TMEM114: variants seen among roughly 807,000 people sequenced by gnomAD.
TMEM114 encodes claudin-26.
A neutral mutation model predicts 6.2 loss-of-function variants in TMEM114; 6 were observed. That is an observed-to-expected ratio of 0.97 (90% confidence interval 0.53 to 1.91). The LOEUF is 1.91. Ranked by LOEUF, TMEM114 falls within the 40% of genes most tolerant of loss-of-function variation. The probability of loss-of-function intolerance (pLI) is 0.01; values close to 1 mark genes in which losing one functional copy is unlikely to be tolerated. For synonymous variants in TMEM114, 104 were observed against 73.0 expected, an observed-to-expected ratio of 1.42 and a Z score of -2.16; for missense variants, 218 against 158.3, an observed-to-expected ratio of 1.38 and a Z score of -2.02.
chr16:8,567,745 G>T (rs1285821693), downstream of TMEM114, among the ~76,000 whole-genome samples: 1 of 152,188 alleles, frequency 6.6e-6, no homozygotes, highest in Non-Finnish European at 1.5e-5. Flanking sequence ...CGCTAGGAGG[G>T]CTGAAAACGT....
chr16:8,553,040 T>G (rs1214229696), intron 2 of TMEM114, among the ~76,000 whole-genome samples: 1 of 152,240 alleles, frequency 6.6e-6, no homozygotes, highest in African/African-American at 2.4e-5. Context: ...AGGTTCTTGC[T>G]TCCTGCCAGG....
At chr16:8,575,005 G>A (rs753741331) in intron 2 of TMEM114, among the ~76,000 whole-genome samples, 5 of 152,040 alleles carry the variant, frequency 3.3e-5, no homozygotes, top group African/African-American at 1.2e-4. Context: ...TGCTCCCATC[G>A]CTAGCCACAT....
intron 2 of TMEM114, among the ~76,000 whole-genome samples, chr16:8,543,352 G>C (rs941888671): frequency 6.6e-6 from 1 of 152,140 alleles, no homozygotes; most frequent in South Asian, 2.1e-4. Flanking sequence ...GGTGTCACTG[G>C]GGATAATTCA....
chr16:8,564,758 T>C (rs1901468953), downstream of TMEM114, among the ~76,000 whole-genome samples: 2 of 149,958 alleles, frequency 1.3e-5, 1 homozygote, highest in African/African-American at 5.0e-5. Context: ...AGTGAATGAG[T>C]GAGTGAATGA....
the TMEM114 span, among the ~76,000 whole-genome samples, chr16:8,527,337 C>G: frequency 6.6e-6 from 1 of 152,160 alleles, no homozygotes; most frequent in Non-Finnish European, 1.5e-5. Context: ...GTGGAAAAAC[C>G]CCAGCTTTGG....
intron 2 of TMEM114, among the ~76,000 whole-genome samples, chr16:8,588,279 C>A (rs1902376745): frequency 9.7e-6 from 1 of 102,882 alleles, no homozygotes; most frequent in Non-Finnish European, 2.0e-5. Flanking sequence ...AGAGCAAGAC[C>A]CTGTCTCAAA....
intron 2 of TMEM114, among the ~76,000 whole-genome samples, chr16:8,576,561 C>CA (rs1407625867): frequency 6.6e-6 from 1 of 152,188 alleles, no homozygotes; most frequent in African/African-American, 2.4e-5. Flanking sequence ...TGGCAGGAAT[C>CA]AAAGGCCAGC....
At chr16:8,566,375 T>TTAA (rs1596482453), downstream of TMEM114, among the ~76,000 whole-genome samples, 2 of 16,814 alleles carry the variant, frequency 1.2e-4, no homozygotes, top group African/African-American at 5.8e-4. Flanking sequence ...AGACGCAGTC[T>TTAA]CAAAAAAAAA....
At chr16:8,548,261 C>T (rs566736483) in intron 2 of TMEM114, among the ~76,000 whole-genome samples, 6 of 152,120 alleles carry the variant, frequency 3.9e-5, no homozygotes, top group Non-Finnish European at 5.9e-5. Flanking sequence ...GAGTTCCTGC[C>T]TCTCAGGGTT....
chr16:8,564,527 G>A (rs1449025361), downstream of TMEM114, among the ~76,000 whole-genome samples: 1 of 138,010 alleles, frequency 7.2e-6, no homozygotes, highest in East Asian at 2.2e-4. Flanking sequence ...GTGACGGAGG[G>A]AGGGAATGAG....
In TMEM114 at chr16:8,569,797, T is replaced by A; in HGVS notation, c.648A>T (p.Arg216Ser). The A allele has an allele frequency of 6.4e-7, 1 of 1,550,646 alleles. No homozygotes were observed. Among genetic ancestry groups the A allele is most frequent in the Non-Finnish European group, 8.7e-7 (1 of 1,146,884 alleles). The change falls in exon 4 of 4, where the codon AGA (arginine) becomes AGT (serine). Residue 216 changes from arginine to serine, a missense_variant. By Grantham distance (110) the Arg-to-Ser change is moderately radical (BLOSUM62 -1). Transcript: ENST00000620492. ...CTCATATGGCCTGGTCCTGCCTCCG[T>A]CTCAGGCTGAGCTCGCGGGCTGCTG... The part of the protein sequence containing the change: ...FLAAARELSL[R>S]RRQDQAI
chr16:8,544,020 C>A (rs569747767), intron 2 of TMEM114, among the ~76,000 whole-genome samples: 2 of 152,294 alleles, frequency 1.3e-5, no homozygotes, highest in East Asian at 1.9e-4. Context: ...CCAGGAAGCG[C>A]AACGCTAAAT....
At chr16:8,565,107 AAGTG>A (rs369248463), downstream of TMEM114, among the ~76,000 whole-genome samples, 125 of 118,244 alleles carry the variant, frequency 1.1e-3, 1 homozygote, top group Middle Eastern at 4.0e-3. Flanking sequence ...CTGAGTGAAT[AAGTG>A]AGTGAGTGAG....
At chr16:8,570,042 C>T (rs530165284) in intron 3 of TMEM114, 37 bp from the exon 4 acceptor site, 1 of 1,522,398 alleles carries the variant, frequency 6.6e-7, no homozygotes, top group Non-Finnish European at 8.9e-7. Context: ...ATCAATCCCC[C>T]ACCCCGCCCC....
intron 2 of TMEM114, among the ~76,000 whole-genome samples, chr16:8,554,980 C>A (rs541998886): frequency 6.6e-6 from 1 of 152,320 alleles, no homozygotes; most frequent in African/African-American, 2.4e-5. Context: ...GAAATATGGT[C>A]TCATAGATGG....
rs185952597 is a variant in TMEM114 at position 8,558,904 on chromosome 16, C to G, written n.213-21078G>C. On this transcript the variant is annotated intron_variant and non_coding_transcript_variant, in intron 2 of 2. Coordinates refer to the TMEM114 transcript ENST00000623677. ...TGCAGGCACGTGCCACCATGCCCAG[C>G]TAATTTTTTTTTGTATTTTTAGTAG... Among the ~76,000 whole-genome samples the G allele has an allele frequency of 6.9e-3, 888 of 128,572 alleles. 10 individuals are homozygous for G. The highest frequency in any genetic ancestry group is 0.027 in the African/African-American group (844 of 30,878). 84.3% of individuals were successfully genotyped at this position (128,572 alleles called of 152,430 possible).
chr16:8,573,684 A>G (rs1901813898), intron 2 of TMEM114, among the ~76,000 whole-genome samples: 1 of 152,212 alleles, frequency 6.6e-6, no homozygotes, highest in Admixed American at 6.5e-5. Context: ...ATGAAAATAA[A>G]TACTTTCCTA....
chr16:8,573,207 T>C (rs1409399692), intron 2 of TMEM114, among the ~76,000 whole-genome samples: 2 of 152,160 alleles, frequency 1.3e-5, no homozygotes, highest in Non-Finnish European at 2.9e-5. Context: ...ACACTGTTAA[T>C]CTCAGGGCTT....
At chr16:8,574,802 A>C (rs1203051970) in intron 2 of TMEM114, among the ~76,000 whole-genome samples, 1 of 152,166 alleles carries the variant, frequency 6.6e-6, no homozygotes, top group Non-Finnish European at 1.5e-5. Context: ...GTCGTGCTGC[A>C]AGCTGCCTTG....
Sources: allele counts gnomAD v4.1 joint callset (sites outside exome capture counted in the v4.1 genomes callset), GRCh38; gene constraint gnomAD v4.1.1; transcripts MANE v1.5; gene names NCBI Gene and HGNC (gene_info 2026-07-23, HGNC 2026-07-21).